The following PTK2B variants were observed in gnomAD, a reference collection of about 807,000 sequenced individuals.
PTK2B encodes protein tyrosine kinase 2 beta, also known as protein-tyrosine kinase 2-beta.
In PTK2B, 71 loss-of-function variants were observed where a neutral mutation model predicts 142.9. That is an observed-to-expected ratio of 0.50 (90% CI 0.41 to 0.61). PTK2B has a LOEUF of 0.61. Ranked by LOEUF, PTK2B falls within the 20% of genes least tolerant of loss-of-function variation. PTK2B has a pLI of 0.00. For missense variants in PTK2B, 1,105 were observed against 1,320.4 expected (o/e 0.84, Z 2.53); for synonymous variants, 519 against 503.4 (o/e 1.03, Z -0.42).
At chr8:27,425,551 A>G (rs1285322535) in intron 5 of PTK2B, among the ~76,000 whole-genome samples, 1 of 151,986 alleles carries the variant, frequency 6.6e-6, no homozygotes, top group African/African-American at 2.4e-5. Context: ...CTCCCCCACT[A>G]TCAACATTCT....
intron 27 of PTK2B, chr8:27,451,801 CT>C (rs1367816246): frequency 7.7e-7 from 1 of 1,295,598 alleles, no homozygotes; most frequent in African/African-American, 1.5e-5. Flanking sequence ...GAAATTCTCT[CT>C]TCCTCATTTC....
intron 1 of PTK2B, among the ~76,000 whole-genome samples, chr8:27,391,552 T>C (rs1367263905): frequency 6.6e-6 from 1 of 152,232 alleles, no homozygotes; most frequent in Non-Finnish European, 1.5e-5. Flanking sequence ...AGTTAAGTTT[T>C]CCTGTGATAT....
intron 1 of PTK2B, among the ~76,000 whole-genome samples, chr8:27,373,430 C>A (rs1806477810): frequency 1.3e-5 from 2 of 152,120 alleles, no homozygotes; most frequent in Non-Finnish European, 2.9e-5. Context: ...TAGAAAGTAG[C>A]TAAACAACTG....
At chr8:27,421,666 G>A (rs1448557206) in intron 4 of PTK2B, among the ~76,000 whole-genome samples, 1 of 152,156 alleles carries the variant, frequency 6.6e-6, no homozygotes, top group African/African-American at 2.4e-5. Flanking sequence ...AATTTCTATG[G>A]TGTAAATACC....
rs775417285 is a variant in PTK2B at position 27,440,357 on chromosome 8, C to T, written c.1955C>T (p.Pro652Leu). Reference protein sequence around the residue: ...DRLPKPDLCPPVLYTLMTRCW... With the variant: ...DRLPKPDLCPLVLYTLMTRCW... ...CTGCCCAAGCCTGATCTCTGTCCAC[C>T]GGTCCTTTATACCCTCATGACCCGC... Residue 652 changes from proline (P) to leucine (L), a missense_variant, in exon 21 of 31, where the codon CCG becomes CTG. Transcript: ENST00000346049. The T allele has an allele frequency of 2.0e-5, 32 of 1,614,098 alleles. No individual in the cohort carries two copies. The highest frequency in any genetic ancestry group is 1.2e-4 in the Admixed American group (7 of 60,006).
intron 1 of PTK2B, among the ~76,000 whole-genome samples, chr8:27,355,885 T>TG (rs1426183821): frequency 6.6e-6 from 1 of 152,090 alleles, no homozygotes; most frequent in Non-Finnish European, 1.5e-5. Flanking sequence ...TAGCTGGGCA[T>TG]GGTGGCAGGC....
intron 1 of PTK2B, among the ~76,000 whole-genome samples, chr8:27,382,372 C>T (rs376427786): frequency 4.6e-5 from 7 of 152,122 alleles, no homozygotes; most frequent in African/African-American, 9.7e-5. Context: ...GTTGGATGAA[C>T]GGTTTTCACA....
intron 1 of PTK2B, among the ~76,000 whole-genome samples, chr8:27,368,359 C>T (rs1244692298): frequency 6.6e-6 from 1 of 152,148 alleles, no homozygotes; most frequent in East Asian, 1.9e-4. Context: ...GAAAGTCCAG[C>T]AAGAACTACC....
At chr8:27,423,749 CGGTG>C (rs1328952017) in intron 5 of PTK2B, among the ~76,000 whole-genome samples, 1 of 152,112 alleles carries the variant, frequency 6.6e-6, no homozygotes. Context: ...GGGAGTCCTC[CGGTG>C]GGGCCAGTAG....
intron 2 of PTK2B, among the ~76,000 whole-genome samples, chr8:27,400,678 G>A (rs2163174): frequency 0.38 from 57,762 of 152,058 alleles, 11,575 homozygotes; most frequent in Middle Eastern, 0.5. Flanking sequence ...TTGCTTGGGC[G>A]ACTAAATGGG....
chr8:27,365,503 T>C (rs935246737), intron 1 of PTK2B, among the ~76,000 whole-genome samples: 2 of 152,166 alleles, frequency 1.3e-5, no homozygotes, highest in African/African-American at 4.8e-5. Flanking sequence ...AAGTCCTGTA[T>C]GTTTCTTTGA....
In PTK2B at chr8:27,430,155, A is replaced by G. The variant is rs1292161071; in HGVS notation, c.614A>G (p.Glu205Gly). The change falls in exon 6 of 31, where the codon GAA becomes GGA. Residue 205 changes from glutamate (E) to glycine (G), a missense_variant and splice_region_variant. Transcript: ENST00000346049. ...LDKKSNFELL[E>G]KEVGLDLFFP... Reference sequence around the variant, plus strand: ...AAGAAGTCCAACTTCGAGCTCCTAGAGTAAGTTCTGGGATCACCCATCTCC... The same window carrying G: ...AAGAAGTCCAACTTCGAGCTCCTAGGGTAAGTTCTGGGATCACCCATCTCC... 1.2e-6 allele frequency: 2 copies of G among 1,612,990 alleles called. No homozygotes were observed. The highest frequency in any genetic ancestry group is 2.2e-5 in the East Asian group (1 of 44,860).
At chr8:27,456,378 GTTGGTGA>G (rs762829183) in intron 30 of PTK2B, among the ~76,000 whole-genome samples, 10 of 152,164 alleles carry the variant, frequency 6.6e-5, no homozygotes, top group East Asian at 1.9e-4. Context: ...AACGGCTATG[GTTGGTGA>G]TTGGTGATTG....
At position 27,458,563 on chromosome 8, in the gene PTK2B, C is replaced by T. The variant is rs1179628892; in HGVS notation, c.*54C>T. 5 of 1,519,360 alleles carry T rather than the reference C, an allele frequency of 3.3e-6. No individual in the cohort carries two copies. The East Asian group carries it at 1.2e-4, about 37-fold the overall frequency. 94.1% of individuals were successfully genotyped at this position (1,519,360 alleles called of 1,614,324 possible). On this transcript the variant is annotated 3_prime_UTR_variant, in exon 31 of 31. Coordinates refer to ENST00000346049, the MANE Select transcript of PTK2B (RefSeq NM_173176.3). The stretch of plus-strand genomic sequence containing the variant: ...TTCCGCCCCTGCCTGCCATGTACCT[C>T]CCCTGCCTTGCTGTTGGTCATGTGG...
chr8:27,374,676 G>A (rs551090947), intron 1 of PTK2B, among the ~76,000 whole-genome samples: 2 of 152,326 alleles, frequency 1.3e-5, no homozygotes, highest in Non-Finnish European at 2.9e-5. Context: ...GCAGTTGCGA[G>A]TGTGGGCTCT....
chr8:27,383,548 C>T (rs1168902957), intron 1 of PTK2B, among the ~76,000 whole-genome samples: 2 of 152,074 alleles, frequency 1.3e-5, no homozygotes, highest in African/African-American at 2.4e-5. Context: ...TGTGAGCCAC[C>T]GCGCCTGGCC....
chr8:27,314,728 T>C (rs1344846843), intron 3 of PTK2B, among the ~76,000 whole-genome samples: 1 of 152,226 alleles, frequency 6.6e-6, no homozygotes, highest in Non-Finnish European at 1.5e-5. Context: ...TCATTTTCCA[T>C]AAAACCCTTC....
intron 5 of PTK2B, among the ~76,000 whole-genome samples, chr8:27,427,051 T>G (rs1028911194): frequency 6.6e-6 from 1 of 152,226 alleles, no homozygotes; most frequent in Non-Finnish European, 1.5e-5. Context: ...CCGTCGTGGC[T>G]GGGAAGCAGA....
intron 1 of PTK2B, among the ~76,000 whole-genome samples, chr8:27,328,004 C>T (rs1026081741): frequency 2.6e-5 from 4 of 152,210 alleles, no homozygotes; most frequent in African/African-American, 9.7e-5. Context: ...TTGGAGGTCT[C>T]AGGTGAAATA....
Sources: allele counts gnomAD v4.1 joint callset (sites outside exome capture counted in the v4.1 genomes callset), GRCh38; gene constraint gnomAD v4.1.1; transcripts MANE v1.5; gene names NCBI Gene and HGNC (gene_info 2026-07-23, HGNC 2026-07-21).